Variants in ASTN1 observed in about 807,000 individuals in gnomAD.
ASTN1 encodes the protein astrotactin 1, also known as astrotactin-1.
In ASTN1, 41 loss-of-function variants were observed where a neutral mutation model predicts 140.7. The ratio of observed to expected loss-of-function variants is 0.29; its 90% CI spans 0.23 to 0.38. The LOEUF is 0.38. Among genes scored for constraint, ASTN1 ranks in the 10% least tolerant of loss-of-function variants. ASTN1 has a pLI of 1.00. For synonymous variants in ASTN1, 640 were observed against 652.2 expected (o/e 0.98, Z 0.29); for missense variants, 1,479 against 1,678.8 (o/e 0.88, Z 2.08).
chr1:176,896,370 T>C (rs1669506884), intron 16 of ASTN1, among the ~76,000 whole-genome samples: 1 of 152,160 alleles, frequency 6.6e-6, no homozygotes, highest in Non-Finnish European at 1.5e-5. Context: ...GAATGACGGC[T>C]TCAAATAGAA....
At chr1:177,158,636 G>A (rs55873113) in intron 1 of ASTN1, among the ~76,000 whole-genome samples, 24,418 of 148,818 alleles carry the variant, frequency 0.16, 4,043 homozygotes, top group African/African-American at 0.43. Flanking sequence ...ACATTTCTAA[G>A]AAAAGAAAGA....
At chr1:177,055,591 G>T (rs902268643) in intron 2 of ASTN1, among the ~76,000 whole-genome samples, 1 of 152,208 alleles carries the variant, frequency 6.6e-6, no homozygotes, top group African/African-American at 2.4e-5. Context: ...CAGTAAGTCG[G>T]TTCAGCCCCA....
intron 22 of ASTN1, among the ~76,000 whole-genome samples, chr1:176,865,085 C>T (rs1180103421): frequency 6.6e-6 from 1 of 152,206 alleles, no homozygotes; most frequent in Non-Finnish European, 1.5e-5. Context: ...AATATGCAGA[C>T]TGTCAGTTGC....
chr1:177,114,004 A>G (rs906670199), intron 1 of ASTN1, among the ~76,000 whole-genome samples: 5 of 152,194 alleles, frequency 3.3e-5, no homozygotes, highest in Non-Finnish European at 4.4e-5. Flanking sequence ...GAAAGAAATG[A>G]TGACTGGGAG....
intron 8 of ASTN1, 136 bp downstream of exon 8, chr1:177,014,655 G>T: frequency 1.4e-6 from 1 of 709,836 alleles, no homozygotes; most frequent in Non-Finnish European, 2.4e-6. Flanking sequence ...AAGGCATAGT[G>T]ACATTTTTAC....
At chr1:177,125,176 CA>C (rs1681581698) in intron 1 of ASTN1, among the ~76,000 whole-genome samples, 2 of 152,120 alleles carry the variant, frequency 1.3e-5, no homozygotes. Flanking sequence ...TGAAAGGCCA[CA>C]AGGAATGAAG....
intron 15 of ASTN1, 26 bp downstream of exon 15, chr1:176,936,240 G>A (rs1276311108): frequency 1.3e-6 from 2 of 1,591,336 alleles, no homozygotes; most frequent in Non-Finnish European, 1.7e-6. Context: ...GGGAAGGTGG[G>A]CAGGATAGCC....
At chr1:176,947,213 C>T (rs1671996004) in intron 12 of ASTN1, among the ~76,000 whole-genome samples, 1 of 152,300 alleles carries the variant, frequency 6.6e-6, no homozygotes, top group Admixed American at 6.5e-5. Context: ...AAAAAAGTAG[C>T]TGCTTCACTG....
intron 2 of ASTN1, among the ~76,000 whole-genome samples, chr1:177,059,378 G>T (rs1677970401): frequency 6.6e-6 from 1 of 152,256 alleles, no homozygotes; most frequent in Non-Finnish European, 1.5e-5. Context: ...GACACTACAA[G>T]CTACAATAAA....
chr1:176,869,366 A>G (rs1668251146), intron 21 of ASTN1, among the ~76,000 whole-genome samples: 2 of 152,188 alleles, frequency 1.3e-5, no homozygotes, highest in South Asian at 2.1e-4. Context: ...ATTCTATAAA[A>G]TAAAAGGCTT....
At chr1:176,984,072 C>T (rs1456696580) in intron 8 of ASTN1, among the ~76,000 whole-genome samples, 1 of 152,194 alleles carries the variant, frequency 6.6e-6, no homozygotes, top group Admixed American at 6.5e-5. Context: ...CAGCCAGAGG[C>T]AAGGAAGAGA....
At chr1:177,074,717 A>G (rs1402853277) in intron 1 of ASTN1, among the ~76,000 whole-genome samples, 2 of 152,178 alleles carry the variant, frequency 1.3e-5, no homozygotes, top group African/African-American at 4.8e-5. Flanking sequence ...ATTCTTCATG[A>G]TGCACGTATG....
intron 8 of ASTN1, among the ~76,000 whole-genome samples, chr1:176,998,094 T>A (rs1199895468): frequency 6.6e-6 from 1 of 152,098 alleles, no homozygotes; most frequent in Non-Finnish European, 1.5e-5. Flanking sequence ...ATACTTGTCT[T>A]CATACATCAT....
At chr1:176,959,455 C>T (rs1207602571) in intron 9 of ASTN1, among the ~76,000 whole-genome samples, 3 of 152,050 alleles carry the variant, frequency 2.0e-5, no homozygotes, top group Non-Finnish European at 4.4e-5. Context: ...ATACACAACC[C>T]TCTCCCCTCC....
At chr1:176,897,945 G>T (rs1237071833) in intron 16 of ASTN1, among the ~76,000 whole-genome samples, 1 of 152,024 alleles carries the variant, frequency 6.6e-6, no homozygotes, top group Non-Finnish European at 1.5e-5. Flanking sequence ...AGCATGTACC[G>T]TGCTCATGAC....
chr1:176,906,851 A>G (rs1670025687), intron 16 of ASTN1, among the ~76,000 whole-genome samples: 1 of 151,630 alleles, frequency 6.6e-6, no homozygotes, highest in Admixed American at 6.6e-5. Context: ...CTCAAAAAAA[A>G]AAAAAAAAAG....
Position 176,862,295 on chromosome 1 carries a change from A to C in ASTN1, c.*1989T>G. 1 of 985,404 alleles carries C rather than the reference A, an allele frequency of 1.0e-6. No individual in the cohort carries two copies. Among genetic ancestry groups the C allele is most frequent in the South Asian group, 4.7e-5 (1 of 21,278 alleles). The allele number at this position is 985,404 out of a possible 1,614,324, so 61.0% of individuals were successfully genotyped here. A position where few individuals can be genotyped will look rare whatever the true frequency, so the allele number is the denominator to read the frequency against. ...GTGTTTGGAAAGAAGGAGAGAGGAG[A>C]GTGAAACCACCCTGTGCTTTATCTC... On this transcript the variant is annotated 3_prime_UTR_variant, in exon 23 of 23. Coordinates refer to ENST00000361833, the MANE Select transcript of ASTN1 (RefSeq NM_004319.3).
intron 1 of ASTN1, among the ~76,000 whole-genome samples, chr1:177,149,997 T>A (rs1163605202): frequency 6.6e-6 from 1 of 151,660 alleles, no homozygotes; most frequent in Non-Finnish European, 1.5e-5. Flanking sequence ...AGAAGCCTAG[T>A]ATCATGACTG....
At chr1:177,004,491 C>G (rs998772076) in intron 8 of ASTN1, among the ~76,000 whole-genome samples, 3 of 152,020 alleles carry the variant, frequency 2.0e-5, no homozygotes, top group Non-Finnish European at 2.9e-5. Flanking sequence ...TATGGAACAA[C>G]AACAACAACA....
Sources: allele counts gnomAD v4.1 joint callset (sites outside exome capture counted in the v4.1 genomes callset), GRCh38; gene constraint gnomAD v4.1.1; transcripts MANE v1.5; gene names NCBI Gene and HGNC (gene_info 2026-07-23, HGNC 2026-07-21).